Variants in ULK4 observed in about 807,000 individuals in gnomAD.
ULK4 encodes the protein unc-51 like kinase 4, also known as inactive serine/threonine-protein kinase ULK4.
In ULK4, 133 loss-of-function variants were observed where a neutral mutation model predicts 160.6. The ratio of observed to expected loss-of-function variants is 0.83; its 90% CI spans 0.72 to 0.96. The LOEUF is 0.96. Ranked by LOEUF, ULK4 falls within the 40% of genes least tolerant of loss-of-function variation. The probability of loss-of-function intolerance (pLI) is 0.00; values close to 1 mark genes in which losing one functional copy is unlikely to be tolerated. For synonymous variants in ULK4, 534 were observed against 539.8 expected, an observed-to-expected ratio of 0.99 and a Z score of 0.15; for missense variants, 1,580 against 1,499.5, an observed-to-expected ratio of 1.05 and a Z score of -0.89.
At chr3:41,885,680 T>A (rs1697695414) in intron 16 of ULK4, among the ~76,000 whole-genome samples, 1 of 152,168 alleles carries the variant, frequency 6.6e-6, no homozygotes. Flanking sequence ...CAAAATATTT[T>A]TAAAAAGTTT....
At chr3:41,683,513 C>T (rs891020636) in intron 27 of ULK4, among the ~76,000 whole-genome samples, 7 of 151,560 alleles carry the variant, frequency 4.6e-5, no homozygotes, top group African/African-American at 1.7e-4. Flanking sequence ...AGCACTGCTA[C>T]AACTGGTGAG....
At chr3:41,934,052 T>C (rs975979021) in intron 4 of ULK4, among the ~76,000 whole-genome samples, 3 of 151,866 alleles carry the variant, frequency 2.0e-5, no homozygotes, top group Admixed American at 6.6e-5. Flanking sequence ...AAAATAATAA[T>C]AAAATAAAAA....
chr3:41,770,988 G>C (rs751687144), intron 21 of ULK4, among the ~76,000 whole-genome samples: 18 of 152,146 alleles, frequency 1.2e-4, no homozygotes, highest in Non-Finnish European at 2.6e-4. Context: ...CATCCACGAA[G>C]ACCTGTAGAT....
At chr3:41,439,286 G>T (rs2083105465) in intron 34 of ULK4, among the ~76,000 whole-genome samples, 1 of 152,074 alleles carries the variant, frequency 6.6e-6, no homozygotes, top group Non-Finnish European at 1.5e-5. Context: ...CTGGATTTGG[G>T]GACCCAGGGC....
At chr3:41,381,402 G>C (rs1230465960) in intron 35 of ULK4, among the ~76,000 whole-genome samples, 1 of 152,156 alleles carries the variant, frequency 6.6e-6, no homozygotes, top group Non-Finnish European at 1.5e-5. Flanking sequence ...GGCCTATAGA[G>C]CCAACTGCTA....
intron 19 of ULK4, among the ~76,000 whole-genome samples, chr3:41,817,139 G>A (rs916885242): frequency 6.6e-6 from 1 of 151,986 alleles, no homozygotes; most frequent in African/African-American, 2.4e-5. Context: ...CCTACACAGT[G>A]GTCCAAATGA....
At chr3:41,448,109 C>T (rs2083344940) in intron 34 of ULK4, among the ~76,000 whole-genome samples, 2 of 152,180 alleles carry the variant, frequency 1.3e-5, no homozygotes, top group South Asian at 2.1e-4. Context: ...CTGTAACAGG[C>T]CCCAAAGTGA....
chr3:41,820,271 A>G lies in ULK4; in HGVS notation c.1765-765T>C, dbSNP rs529791775. ...TAGTTTGGAGATATCTCAAAGAACT[A>G]AAAACAGAACTACCATTTGAACCAG... On this transcript the variant is annotated intron_variant, in intron 18 of 36. Transcript: ENST00000301831. Among the ~76,000 whole-genome samples the G allele has an allele frequency of 2.0e-5, 3 of 152,330 alleles. No individual in the cohort carries two copies. In the East Asian group the frequency reaches 5.8e-4, roughly 29 times the overall value.
intron 32 of ULK4, among the ~76,000 whole-genome samples, chr3:41,554,753 A>C (rs2087223081): frequency 6.6e-6 from 1 of 152,170 alleles, no homozygotes; most frequent in African/African-American, 2.4e-5. Context: ...TAAATATCCT[A>C]AATACCCTGA....
At chr3:41,471,327 C>T (rs564063374) in intron 32 of ULK4, among the ~76,000 whole-genome samples, 1 of 152,178 alleles carries the variant, frequency 6.6e-6, no homozygotes, top group South Asian at 2.1e-4. Flanking sequence ...ATGCACCCAA[C>T]ATCAGAGCAC....
At chr3:41,506,790 A>T (rs1448378363) in intron 32 of ULK4, among the ~76,000 whole-genome samples, 1 of 103,186 alleles carries the variant, frequency 9.7e-6, no homozygotes, top group African/African-American at 3.3e-5. Context: ...ATATATATAT[A>T]TATATATATA....
chr3:41,735,372 C>T (rs1022752842), intron 22 of ULK4, among the ~76,000 whole-genome samples: 2 of 152,146 alleles, frequency 1.3e-5, no homozygotes, highest in East Asian at 3.9e-4. Context: ...AAAGAATTCA[C>T]ACTCCTTGCT....
chr3:41,939,163 CTTTTTT>C (rs3044215), intron 2 of ULK4, among the ~76,000 whole-genome samples: 3 of 146,222 alleles, frequency 2.1e-5, no homozygotes, highest in South Asian at 2.2e-4. Context: ...AATGATTACC[CTTTTTT>C]TTTTTTTTTG....
intron 34 of ULK4, among the ~76,000 whole-genome samples, chr3:41,401,537 G>C (rs1044860830): frequency 2.6e-5 from 4 of 152,098 alleles, no homozygotes; most frequent in African/African-American, 9.7e-5. Flanking sequence ...GGTTAGAAAT[G>C]TACATGATAG....
intron 35 of ULK4, among the ~76,000 whole-genome samples, chr3:41,319,573 A>G (rs1011045281): frequency 2.6e-5 from 4 of 152,340 alleles, no homozygotes; most frequent in African/African-American, 9.6e-5. Context: ...ATCTTGGTAC[A>G]TGGTCAAAGT....
At chr3:41,909,774 T>C (rs1698712536) in intron 11 of ULK4, among the ~76,000 whole-genome samples, 1 of 152,142 alleles carries the variant, frequency 6.6e-6, no homozygotes, top group Admixed American at 6.5e-5. Flanking sequence ...TAGATAAACA[T>C]ACATTACATT....
At chr3:41,303,149 T>A (rs1050665563) in intron 35 of ULK4, among the ~76,000 whole-genome samples, 6 of 152,164 alleles carry the variant, frequency 3.9e-5, no homozygotes, top group African/African-American at 7.2e-5. Context: ...TGATAATAAT[T>A]ATTTGCCTTT....
intron 35 of ULK4, among the ~76,000 whole-genome samples, chr3:41,318,210 G>A (rs1432481074): frequency 2.6e-5 from 4 of 152,016 alleles, no homozygotes; most frequent in Non-Finnish European, 5.9e-5. Flanking sequence ...GAAATAAATA[G>A]TAATAGATGG....
intron 17 of ULK4, among the ~76,000 whole-genome samples, chr3:41,856,573 ATGTG>A (rs1283889509): frequency 2.3e-4 from 16 of 69,418 alleles, no homozygotes; most frequent in Middle Eastern, 7.9e-3. Flanking sequence ...ACATATATAT[ATGTG>A]TATATATATA....
Sources: gnomAD v4.1 joint callset for allele counts (sites outside exome capture counted in the v4.1 genomes callset) on GRCh38, gnomAD v4.1.1 for gene constraint, MANE v1.5 for transcripts, NCBI Gene and HGNC (gene_info 2026-07-23, HGNC 2026-07-21) for gene names.